The following PRKCA variants were observed in gnomAD, a reference collection of about 807,000 sequenced individuals.
The protein encoded by PRKCA is protein kinase C alpha, also known as protein kinase C alpha type.
PRKCA carries 27 observed loss-of-function variants against 87.0 expected under a neutral mutation model. The ratio of observed to expected loss-of-function variants is 0.31; its 90% confidence interval spans 0.23 to 0.43. The LOEUF (loss-of-function observed/expected upper bound fraction) is 0.43. Ranked by LOEUF, PRKCA falls within the 20% of genes least tolerant of loss-of-function variation. The pLI, the probability that PRKCA is intolerant of heterozygous loss-of-function variation, is 1.00. For synonymous variants in PRKCA, 329 were observed against 311.1 expected (o/e 1.06, Z -0.61); for missense variants, 518 against 852.3 (o/e 0.61, Z 4.88).
rs746544520 is a variant in PRKCA at position 66,380,210 on chromosome 17, T to G, written c.205+74083T>G. Among the ~76,000 whole-genome samples the G allele has an allele frequency of 2.6e-3, 366 of 141,044 alleles. 1 individual carries two copies. Among genetic ancestry groups the G allele is most frequent in the Middle Eastern group, 0.011 (3 of 280 alleles). The allele number at this position is 141,044 out of a possible 152,430, so 92.5% of individuals were successfully genotyped here. On this transcript the variant is annotated intron_variant, in intron 2 of 16. Transcript: ENST00000413366. ...CATTCATGTGGGCTGCTTCATAGGGTTTTTTTTTTTTTAAGTGTTGTATTC... is the reference window on the plus strand; with the variant it reads ...CATTCATGTGGGCTGCTTCATAGGGGTTTTTTTTTTTTAAGTGTTGTATTC...
intron 13 of PRKCA, among the ~76,000 whole-genome samples, chr17:66,771,487 A>G (rs1974932097): frequency 6.6e-6 from 1 of 152,262 alleles, no homozygotes; most frequent in Admixed American, 6.5e-5. Flanking sequence ...TTTTTAATGC[A>G]TATGTACACA....
At chr17:66,471,193 A>T (rs1281692640) in intron 2 of PRKCA, among the ~76,000 whole-genome samples, 1 of 152,228 alleles carries the variant, frequency 6.6e-6, no homozygotes, top group Non-Finnish European at 1.5e-5. Flanking sequence ...AGCATTCATC[A>T]GAGCAAAGTT....
Position 66,687,245 on chromosome 17 carries a change from C to A in PRKCA, c.664C>A (p.Gln222Lys). Residue 222 changes from glutamine (Q) to lysine (K), a missense_variant, in exon 6 of 17, where the codon CAG (glutamine) becomes AAG (lysine). This residue lies in a region of PRKCA where 300 missense variants were observed against 496.8 expected (regional missense o/e 0.60). Coordinates refer to ENST00000413366, the MANE Select transcript of PRKCA (RefSeq NM_002737.3). Reference protein sequence around the residue: ...TKTIRSTLNPQWNESFTFKLK... With the variant: ...TKTIRSTLNPKWNESFTFKLK... The stretch of plus-strand genomic sequence containing the variant: ...AACCATCCGCTCCACACTAAATCCG[C>A]AGTGGAATGAGTCCTTTACATTGTA... 6.2e-7 allele frequency: 1 copy of A among 1,614,094 alleles called. No homozygotes were observed. The highest frequency in any genetic ancestry group is 1.7e-5 in the Admixed American group (1 of 60,020).
rs1485928514 is a variant in PRKCA at position 66,803,304 on chromosome 17, C to T, written c.1855-569C>T. 1.3e-5 allele frequency among the ~76,000 whole-genome samples: 2 copies of T among 152,226 alleles called. No homozygotes were observed. Among genetic ancestry groups the T allele is most frequent in the South Asian group, 2.1e-4 (1 of 4,836 alleles). Reference sequence around the variant, plus strand: ...CTAGCTGGGCCAGGTGCAAATCTCCCAGCCTTGCCGCCACACCTACCTCAT... The same window carrying T: ...CTAGCTGGGCCAGGTGCAAATCTCCTAGCCTTGCCGCCACACCTACCTCAT... On this transcript the variant is annotated intron_variant, in intron 16 of 16. Coordinates refer to ENST00000413366, the MANE Select transcript of PRKCA (RefSeq NM_002737.3). The surrounding 1 kb of genome is among the most constrained non-coding windows in gnomAD (Gnocchi z 4.4).
intron 14 of PRKCA, among the ~76,000 whole-genome samples, chr17:66,780,729 G>A (rs113542727): frequency 0.033 from 5,023 of 151,916 alleles, 100 homozygotes; most frequent in East Asian, 0.049. Flanking sequence ...AAAAATAAGC[G>A]CAATTTTTGT....
chr17:66,689,068 G>A lies in PRKCA; in HGVS notation c.918+21G>A, dbSNP rs757286543. ...TCGAGGTGAGGATAACAAAATGCCCGGAAACACCTTTCCTTTAGAAAGCCC... is the reference window on the plus strand; with the variant it reads ...TCGAGGTGAGGATAACAAAATGCCCAGAAACACCTTTCCTTTAGAAAGCCC... On this transcript the variant is annotated intron_variant, in intron 8 of 16. Coordinates refer to ENST00000413366, the MANE Select transcript of PRKCA (RefSeq NM_002737.3). This position sits in a 1 kb window ranked among gnomAD's most constrained non-coding sequence, Gnocchi z 4.1. 30 of 1,492,300 alleles carry A rather than the reference G, an allele frequency of 2.0e-5. No individual in the cohort carries two copies. The highest frequency in any genetic ancestry group is 1.7e-4 in the Middle Eastern group (1 of 5,834). The allele number at this position is 1,492,300 out of a possible 1,614,324, so 92.4% of individuals were successfully genotyped here.
At chr17:66,465,688 C>T (rs557562615) in intron 2 of PRKCA, among the ~76,000 whole-genome samples, 95 of 152,210 alleles carry the variant, frequency 6.2e-4, no homozygotes, top group Non-Finnish European at 1.2e-3. Context: ...AGGGGAGCCA[C>T]TGTGCCTGGC....
At chr17:66,400,253 G>T (rs1237156106) in intron 2 of PRKCA, among the ~76,000 whole-genome samples, 1 of 152,194 alleles carries the variant, frequency 6.6e-6, no homozygotes, top group African/African-American at 2.4e-5. Flanking sequence ...ATGGGTTCAG[G>T]CAATTCTCGT....
intron 2 of PRKCA, among the ~76,000 whole-genome samples, chr17:66,375,532 T>G (rs1028710971): frequency 5.9e-5 from 9 of 152,180 alleles, no homozygotes; most frequent in Non-Finnish European, 4.4e-5. Flanking sequence ...TGAAGTCAGT[T>G]TAAGTCTCTG....
intron 2 of PRKCA, among the ~76,000 whole-genome samples, chr17:66,474,283 G>A (rs1400582084): frequency 6.6e-6 from 1 of 152,172 alleles, no homozygotes; most frequent in East Asian, 1.9e-4. Context: ...CATTGTCTCT[G>A]TTTTCTTGTA....
chr17:66,742,903 T>A, intron 13 of PRKCA, 143 bp downstream of exon 13: 1 of 917,274 alleles, frequency 1.1e-6, no homozygotes, highest in South Asian at 1.9e-5. Context: ...CAAAACAGAC[T>A]AAAATAGAGG....
intron 8 of PRKCA, among the ~76,000 whole-genome samples, chr17:66,710,090 A>G (rs1973286276): frequency 6.6e-6 from 1 of 152,190 alleles, no homozygotes; most frequent in African/African-American, 2.4e-5. Context: ...CAGACATGGA[A>G]ATGCCACAAG....
chr17:66,683,262 T>C (rs1972538043), intron 5 of PRKCA, among the ~76,000 whole-genome samples: 2 of 152,220 alleles, frequency 1.3e-5, no homozygotes, highest in African/African-American at 4.8e-5. Context: ...TTTTAAATGA[T>C]GGATATTAAA....
chr17:66,569,485 C>T (rs1464802814), intron 3 of PRKCA, among the ~76,000 whole-genome samples: 3 of 152,156 alleles, frequency 2.0e-5, no homozygotes, highest in African/African-American at 7.2e-5. Flanking sequence ...AGGAGAATCG[C>T]TTGAACCCAG....
At chr17:66,352,628 A>G (rs1225997597) in intron 2 of PRKCA, among the ~76,000 whole-genome samples, 1 of 130,480 alleles carries the variant, frequency 7.7e-6, no homozygotes, top group Non-Finnish European at 1.6e-5. Context: ...CAGTGGCGCA[A>G]TCTCAGCTCA....
At chr17:66,445,699 C>T (rs1031980884) in intron 2 of PRKCA, among the ~76,000 whole-genome samples, 3 of 152,134 alleles carry the variant, frequency 2.0e-5, no homozygotes, top group Admixed American at 2.0e-4. Flanking sequence ...CTGTCTGTTC[C>T]CGTGATTTTG....
chr17:66,672,710 C>G (rs1252815570), intron 5 of PRKCA, among the ~76,000 whole-genome samples: 1 of 152,146 alleles, frequency 6.6e-6, no homozygotes. Flanking sequence ...TTGTAGATGC[C>G]CCCAAACAGG....
chr17:66,747,608 C>T (rs1013618049), intron 13 of PRKCA, among the ~76,000 whole-genome samples: 5 of 152,212 alleles, frequency 3.3e-5, no homozygotes, highest in Non-Finnish European at 7.3e-5. Context: ...GATGTTCTGA[C>T]CGGAGCCCGT....
At chr17:66,303,123 A>G (rs1904604342) in intron 1 of PRKCA, 99 bp downstream of exon 1, 5 of 1,472,766 alleles carry the variant, frequency 3.4e-6, no homozygotes, top group Middle Eastern at 2.4e-4. Flanking sequence ...GCTCACTCCG[A>G]TAACTTGGAA....
Sources: gnomAD v4.1 joint callset for allele counts (sites outside exome capture counted in the v4.1 genomes callset) on GRCh38, gnomAD v4.1.1 for gene constraint, gnomAD v4.1.1 regional missense constraint, Gnocchi (gnomAD v3.1) non-coding constraint, MANE v1.5 for transcripts, NCBI Gene and HGNC (gene_info 2026-07-23, HGNC 2026-07-21) for gene names.